RFTN1: variants seen among roughly 807,000 people sequenced by gnomAD.
RFTN1 encodes raftlin, lipid raft linker 1, also known as raftlin.
RFTN1 carries 26 observed loss-of-function variants against 46.5 expected under a neutral mutation model. The observed-to-expected ratio is 0.56, with a 90% CI of 0.41 to 0.78. The LOEUF is 0.78. Among genes scored for constraint, RFTN1 ranks in the 30% least tolerant of loss-of-function variants. The pLI is 0.00. For missense variants in RFTN1, 693 were observed against 718.7 expected, an observed-to-expected ratio of 0.96 and a Z score of 0.41; for synonymous variants, 261 against 284.2, an observed-to-expected ratio of 0.92 and a Z score of 0.82.
Position 16,500,922 on chromosome 3 carries a change from G to A in RFTN1, c.-8-7045C>T, listed in dbSNP as rs1395466251. Among the ~76,000 whole-genome samples the A allele has an allele frequency of 1.3e-5, 2 of 152,194 alleles. No homozygotes were observed. The highest frequency in any genetic ancestry group is 2.4e-5 in the African/African-American group (1 of 41,434). On this transcript the variant is annotated intron_variant, in intron 1 of 9. Transcript: ENST00000334133. This position sits in a 1 kb window ranked among gnomAD's most constrained non-coding sequence, Gnocchi z 5.9. ...GACGAGATACCCATGGTGCAGTATG[G>A]CTGACTGTTCGGGAAGTCTGGACAG...
At chr3:16,492,437 G>A (rs917157414) in intron 2 of RFTN1, among the ~76,000 whole-genome samples, 2 of 152,144 alleles carry the variant, frequency 1.3e-5, no homozygotes, top group Non-Finnish European at 2.9e-5. Context: ...GTGGACACCC[G>A]TGTTCCTTTT....
chr3:16,358,620 A>G (rs1400727135), intron 6 of RFTN1, among the ~76,000 whole-genome samples: 1 of 152,096 alleles, frequency 6.6e-6, no homozygotes, highest in African/African-American at 2.4e-5. Context: ...ACCACTGGAA[A>G]TGTTTCCCTG....
Position 16,361,881 on chromosome 3 carries a change from C to A in RFTN1, c.1031-3834G>T, listed in dbSNP as rs780565836. Among the ~76,000 whole-genome samples, 8 of 152,226 alleles carry A rather than the reference C, an allele frequency of 5.3e-5. No individual in the cohort carries two copies. The highest frequency in any genetic ancestry group is 1.2e-4 in the Non-Finnish European group (8 of 68,040). On this transcript the variant is annotated intron_variant, in intron 6 of 9. Coordinates refer to ENST00000334133, the MANE Select transcript of RFTN1 (RefSeq NM_015150.2). The surrounding 1 kb of genome is among the most constrained non-coding windows in gnomAD (Gnocchi z 4.3). ...CTAGGGAGATGAAGGACAAATGGAG[C>A]AGAGCTGCCGCAGTGGAGCCCAGCT...
At position 16,422,245 on chromosome 3, in the gene RFTN1, C is replaced by T. The variant is rs998388865; in HGVS notation, c.332+11606G>A. On this transcript the variant is annotated intron_variant, in intron 3 of 9. Transcript: ENST00000334133. This position sits in a 1 kb window ranked among gnomAD's most constrained non-coding sequence, Gnocchi z 4.6. The stretch of plus-strand genomic sequence containing the variant: ...TTAAATTAGTGTGTTAATGTAACTA[C>T]AATTTCAACAGAGTTTACCAGGAAC... Among the ~76,000 whole-genome samples the T allele has an allele frequency of 2.0e-5, 3 of 152,160 alleles. No homozygotes were observed. The highest frequency in any genetic ancestry group is 7.2e-5 in the African/African-American group (3 of 41,440).
chr3:16,327,760 TC>T lies in RFTN1; in HGVS notation c.1147-885del, dbSNP rs1366857832. Among the ~76,000 whole-genome samples the T allele has an allele frequency of 4.0e-5, 4 of 100,100 alleles. No individual in the cohort carries two copies. Among genetic ancestry groups the T allele is most frequent in the African/African-American group, 7.5e-5 (2 of 26,654 alleles). The allele number at this position is 100,100 out of a possible 152,430, so 65.7% of individuals were successfully genotyped here. ...TGGGTGACAGAGCGGGATTCCCATC[TC>T]AAAAAAAAAAACAAAACGAAAAAAA... is the stretch of plus-strand genomic sequence containing the variant. On this transcript the variant is annotated intron_variant, in intron 7 of 9. Coordinates refer to ENST00000334133, the MANE Select transcript of RFTN1 (RefSeq NM_015150.2). This position sits in a 1 kb window ranked among gnomAD's most constrained non-coding sequence, Gnocchi z 4.2.
intron 6 of RFTN1, among the ~76,000 whole-genome samples, chr3:16,364,221 G>A (rs1042497996): frequency 2.0e-5 from 3 of 152,238 alleles, no homozygotes; most frequent in Non-Finnish European, 2.9e-5. Context: ...TTCTGATTCA[G>A]TGTTAGCTGG....
intron 7 of RFTN1, among the ~76,000 whole-genome samples, chr3:16,339,125 G>A (rs922007659): frequency 6.6e-6 from 1 of 152,174 alleles, no homozygotes; most frequent in Non-Finnish European, 1.5e-5. Context: ...GAAGGGATTG[G>A]GTAAGACATG....
Position 16,376,435 on chromosome 3 carries a change from A to G in RFTN1, c.826+1283T>C, listed in dbSNP as rs1250298746. Among the ~76,000 whole-genome samples, 1 of 152,064 alleles carries G rather than the reference A, an allele frequency of 6.6e-6. No homozygotes were observed. The highest frequency in any genetic ancestry group is 6.5e-5 in the Admixed American group (1 of 15,272). On this transcript the variant is annotated intron_variant, in intron 5 of 9. Transcript: ENST00000334133. The surrounding 1 kb of genome is among the most constrained non-coding windows in gnomAD (Gnocchi z 4.7). Reference sequence around the variant, plus strand: ...TCGCCCTCCCACAGTCCTGGACCGTACAGAAGGACTCCAGTGAGGTCCATC... The same window carrying G: ...TCGCCCTCCCACAGTCCTGGACCGTGCAGAAGGACTCCAGTGAGGTCCATC...
Position 16,500,912 on chromosome 3 carries a change from G to A in RFTN1, c.-8-7035C>T, listed in dbSNP as rs1166322149. ...CAGAGACAATGACGAGATACCCATG[G>A]TGCAGTATGGCTGACTGTTCGGGAA... On this transcript the variant is annotated intron_variant, in intron 1 of 9. Coordinates refer to ENST00000334133, the MANE Select transcript of RFTN1 (RefSeq NM_015150.2). This position sits in a 1 kb window ranked among gnomAD's most constrained non-coding sequence, Gnocchi z 5.9. Among the ~76,000 whole-genome samples, 3 of 152,214 alleles carry A rather than the reference G, an allele frequency of 2.0e-5. No individual in the cohort carries two copies. The highest frequency in any genetic ancestry group is 3.8e-4 in the East Asian group (2 of 5,204).
rs971749198 is a variant in RFTN1, at chr3:16,356,738, C to T, written c.1146+1194G>A. 1.1e-4 allele frequency among the ~76,000 whole-genome samples: 16 copies of T among 152,354 alleles called. 2 individuals carry two copies. The highest frequency in any genetic ancestry group is 2.0e-4 in the Admixed American group (3 of 15,308). ...AAAGGGTTGTATCCACCTCTGTCTT[C>T]CCTCGGCCTGGAGAGCCCTCTTTGG... is the stretch of plus-strand genomic sequence containing the variant. On this transcript the variant is annotated intron_variant, in intron 7 of 9. Transcript: ENST00000334133. This position sits in a 1 kb window ranked among gnomAD's most constrained non-coding sequence, Gnocchi z 4.9.
In RFTN1 at chr3:16,451,231, T is replaced by C. The variant is rs1456185109; in HGVS notation, c.146-17194A>G. Among the ~76,000 whole-genome samples, 1 of 151,530 alleles carries C rather than the reference T, an allele frequency of 6.6e-6. No individual in the cohort carries two copies. The highest frequency in any genetic ancestry group is 1.5e-5 in the Non-Finnish European group (1 of 67,886). On this transcript the variant is annotated intron_variant, in intron 2 of 9. Coordinates refer to ENST00000334133, the MANE Select transcript of RFTN1 (RefSeq NM_015150.2). This position sits in a 1 kb window ranked among gnomAD's most constrained non-coding sequence, Gnocchi z 4.2. ...AGAGACAAGAAGCAAAGCAGAAGAG[T>C]GCTGTCCTAGAAGTCAAGGGAAGAC...
rs138539720 is a variant in RFTN1, at chr3:16,406,874, T to C, written c.441+2501A>G. 2.6e-5 allele frequency among the ~76,000 whole-genome samples: 4 copies of C among 152,304 alleles called. No individual in the cohort carries two copies. In the East Asian group the frequency reaches 7.7e-4, roughly 29 times the overall value. Reference sequence around the variant, plus strand: ...GAATGAGCAGGTGTCATTTACTTCATAAATTATCTAATGAATCATCAGACA... The same window carrying C: ...GAATGAGCAGGTGTCATTTACTTCACAAATTATCTAATGAATCATCAGACA... On this transcript the variant is annotated intron_variant, in intron 4 of 9. Coordinates refer to ENST00000334133, the MANE Select transcript of RFTN1 (RefSeq NM_015150.2).
At chr3:16,349,099 A>T (rs778570263) in intron 7 of RFTN1, 1 of 152,244 alleles carries the variant, frequency 6.6e-6, no homozygotes, top group South Asian at 2.1e-4. Flanking sequence ...CTTCCCCATC[A>T]TTATGGGAAG....
In RFTN1 at chr3:16,402,319, T is replaced by C. The variant is rs1261933619; in HGVS notation, c.441+7056A>G. On this transcript the variant is annotated intron_variant, in intron 4 of 9. Coordinates refer to ENST00000334133, the MANE Select transcript of RFTN1 (RefSeq NM_015150.2). This position sits in a 1 kb window ranked among gnomAD's most constrained non-coding sequence, Gnocchi z 4.5. ...ACACAACAGTAAGCAGGGTACCCCA[T>C]TGCCCCCTGCAAGGCCTGCGCCAGC... 1.3e-5 allele frequency among the ~76,000 whole-genome samples: 2 copies of C among 152,138 alleles called. No homozygotes were observed. The highest frequency in any genetic ancestry group is 2.9e-5 in the Non-Finnish European group (2 of 68,016).
chr3:16,403,838 TAATATAA>T (rs2074700849), intron 4 of RFTN1, among the ~76,000 whole-genome samples: 1 of 6,960 alleles, frequency 1.4e-4, no homozygotes, highest in African/African-American at 1.3e-3. Flanking sequence ...TATATAAATA[TAATATAA>T]TATATATTTT....
At chr3:16,414,818 A>G (rs988410307) in intron 3 of RFTN1, among the ~76,000 whole-genome samples, 15 of 152,144 alleles carry the variant, frequency 9.9e-5, no homozygotes, top group Non-Finnish European at 1.0e-4. Context: ...CAGCTCATGC[A>G]AAGGCCCTAA....
chr3:16,391,394 C>A (rs1268731340), intron 4 of RFTN1, among the ~76,000 whole-genome samples: 1 of 152,172 alleles, frequency 6.6e-6, no homozygotes, highest in Non-Finnish European at 1.5e-5. Flanking sequence ...GTAATATGCC[C>A]TTTTTCTCAT....
intron 7 of RFTN1, among the ~76,000 whole-genome samples, chr3:16,328,310 C>T (rs1424047618): frequency 6.6e-6 from 1 of 152,200 alleles, no homozygotes; most frequent in African/African-American, 2.4e-5. Flanking sequence ...AGGCAGCGCG[C>T]GTGACCATGG....
chr3:16,390,415 TG>T (rs1263399680), intron 4 of RFTN1, among the ~76,000 whole-genome samples: 7 of 152,212 alleles, frequency 4.6e-5, no homozygotes, highest in Non-Finnish European at 8.8e-5. Flanking sequence ...AAGAGCAATT[TG>T]TAACTAGCCT....
Sources: gnomAD v4.1 joint callset for allele counts (sites outside exome capture counted in the v4.1 genomes callset) on GRCh38, gnomAD v4.1.1 for gene constraint, Gnocchi (gnomAD v3.1) non-coding constraint, MANE v1.5 for transcripts, NCBI Gene and HGNC (gene_info 2026-07-23, HGNC 2026-07-21) for gene names.